Variants in CHRM2 observed in about 807,000 individuals in gnomAD.
CHRM2 encodes muscarinic acetylcholine receptor M2.
A neutral mutation model predicts 25.0 loss-of-function variants in CHRM2; 8 were observed. The ratio of observed to expected loss-of-function variants is 0.32; its 90% CI spans 0.19 to 0.58. The LOEUF (loss-of-function observed/expected upper bound fraction) is 0.58, where lower values mean the gene tolerates loss of function less well. CHRM2 is among the 20% of genes least tolerant of loss of function. The probability of loss-of-function intolerance (pLI) is 0.88; values close to 1 mark genes in which losing one functional copy is unlikely to be tolerated. For synonymous variants in CHRM2, 202 were observed against 205.7 expected (o/e 0.98, Z 0.15); for missense variants, 440 against 567.1 (o/e 0.78, Z 2.28).
At chr7:136,948,485 T>C (rs1369790722) in intron 2 of CHRM2, among the ~76,000 whole-genome samples, 1 of 152,114 alleles carries the variant, frequency 6.6e-6, no homozygotes, top group African/African-American at 2.4e-5. Context: ...AAAATCTTAG[T>C]TTAGGACATT....
intron 2 of CHRM2, chr7:136,938,342 TCTG>T: frequency 1.9e-6 from 3 of 1,557,672 alleles, no homozygotes; most frequent in Non-Finnish European, 2.6e-6. Flanking sequence ...CGAGTCGTCG[TCTG>T]CTGCTGCAGG....
chr7:136,965,561 G>GT (rs1801362175), intron 2 of CHRM2, among the ~76,000 whole-genome samples: 1 of 152,096 alleles, frequency 6.6e-6, no homozygotes, highest in South Asian at 2.1e-4. Flanking sequence ...TACTCTAAAA[G>GT]AGAAAATAAC....
rs1210750904 is a variant in CHRM2, at chr7:137,017,775, C to T, written c.*1509C>T. ...AGGTGGCTGTTGCCATGCCACATCT[C>T]ACCATCTAATTCTAGACCATAATAA... On this transcript the variant is annotated 3_prime_UTR_variant, in exon 4 of 4. Coordinates refer to ENST00000680005, the MANE Select transcript of CHRM2 (RefSeq NM_001006630.2). 6.6e-6 allele frequency: 1 copy of T among 151,940 alleles called. No individual in the cohort carries two copies. The highest frequency in any genetic ancestry group is 1.5e-5 in the Non-Finnish European group (1 of 67,916). The allele number at this position is 151,940 out of a possible 1,614,324, so 9.4% of individuals were successfully genotyped here.
At chr7:136,915,419 C>G (rs1798052900) in intron 2 of CHRM2, among the ~76,000 whole-genome samples, 1 of 151,766 alleles carries the variant, frequency 6.6e-6, no homozygotes. Context: ...ATTGATGTGA[C>G]TAATTTACCT....
At chr7:136,932,077 G>A (rs1799138677) in intron 2 of CHRM2, among the ~76,000 whole-genome samples, 1 of 151,820 alleles carries the variant, frequency 6.6e-6, no homozygotes, top group African/African-American at 2.4e-5. Flanking sequence ...GTATTTGGTG[G>A]GATAATGATA....
In CHRM2 at chr7:136,880,570, C is replaced by CT. The variant is rs1470716032; in HGVS notation, c.-125+11159dup. ...GGTCAGTTATCTGAAATTCAATTAGCTTTTTTTCTGTTACTATATATAATT... is the reference window on the plus strand; with the variant it reads ...GGTCAGTTATCTGAAATTCAATTAGCTTTTTTTTCTGTTACTATATATAATT... On this transcript the variant is annotated intron_variant, in intron 2 of 3. Transcript: ENST00000680005. 2.0e-5 allele frequency among the ~76,000 whole-genome samples: 3 copies of CT among 151,808 alleles called. No homozygotes were observed. In the East Asian group the frequency reaches 5.8e-4, roughly 29 times the overall value.
chr7:137,001,572 A>G (rs1563118948), intron 3 of CHRM2, among the ~76,000 whole-genome samples: 1 of 152,108 alleles, frequency 6.6e-6, no homozygotes. Context: ...ACCAGAGAGA[A>G]GTCTGGTTGG....
chr7:136,959,650 C>T (rs1800944962), intron 2 of CHRM2, among the ~76,000 whole-genome samples: 1 of 152,186 alleles, frequency 6.6e-6, no homozygotes, highest in South Asian at 2.1e-4. Flanking sequence ...CGGTGGCTCA[C>T]ACCTGTAATC....
At chr7:136,933,506 T>A (rs1799232863) in intron 2 of CHRM2, among the ~76,000 whole-genome samples, 1 of 152,216 alleles carries the variant, frequency 6.6e-6, no homozygotes, top group African/African-American at 2.4e-5. Flanking sequence ...TGCAGCCACT[T>A]TGGAAAATAT....
chr7:136,942,088 G>A (rs1799805621), intron 2 of CHRM2, among the ~76,000 whole-genome samples: 2 of 152,164 alleles, frequency 1.3e-5, no homozygotes, highest in Admixed American at 1.3e-4. Flanking sequence ...TGGGGTACAA[G>A]GAGTCCAGCT....
chr7:136,896,550 T>C (rs1438289349), intron 2 of CHRM2, among the ~76,000 whole-genome samples: 2 of 152,058 alleles, frequency 1.3e-5, no homozygotes, highest in Admixed American at 6.6e-5. Flanking sequence ...GATATAGTAA[T>C]TCTACCTTGC....
intron 2 of CHRM2, among the ~76,000 whole-genome samples, chr7:136,923,531 G>C (rs1250605201): frequency 6.6e-6 from 1 of 151,952 alleles, no homozygotes; most frequent in Non-Finnish European, 1.5e-5. Flanking sequence ...GAGTTGAGTA[G>C]CTTCTTAGAA....
At chr7:136,884,491 T>C (rs1796383969) in intron 2 of CHRM2, among the ~76,000 whole-genome samples, 1 of 151,916 alleles carries the variant, frequency 6.6e-6, no homozygotes, top group South Asian at 2.1e-4. Context: ...ATGCCTTTTT[T>C]TTTTTTTGGT....
At chr7:136,973,613 AGGG>A in intron 2 of CHRM2, among the ~76,000 whole-genome samples, 1 of 16,042 alleles carries the variant, frequency 6.2e-5, no homozygotes, top group African/African-American at 1.4e-4. Flanking sequence ...TGATGGTGTT[AGGG>A]ATGGTGGTAG....
chr7:136,981,405 A>G (rs1384419573), intron 2 of CHRM2, among the ~76,000 whole-genome samples: 1 of 152,128 alleles, frequency 6.6e-6, no homozygotes, highest in African/African-American at 2.4e-5. Context: ...CCTGGATTCA[A>G]TGAATTTTTG....
At chr7:136,951,367 A>C (rs2130856456) in intron 2 of CHRM2, among the ~76,000 whole-genome samples, 1 of 152,250 alleles carries the variant, frequency 6.6e-6, no homozygotes, top group Non-Finnish European at 1.5e-5. Flanking sequence ...TTGATGTGAA[A>C]CCTTGTGTAA....
intron 3 of CHRM2, among the ~76,000 whole-genome samples, chr7:137,008,226 G>C (rs1163301955): frequency 2.0e-5 from 3 of 152,042 alleles, no homozygotes; most frequent in Non-Finnish European, 4.4e-5. Context: ...TAATACTTAA[G>C]TATCCTTTAC....
chr7:136,872,410 G>A (rs547535611), intron 2 of CHRM2, among the ~76,000 whole-genome samples: 4 of 152,300 alleles, frequency 2.6e-5, no homozygotes, highest in South Asian at 2.1e-4. Flanking sequence ...ATTTTGGGAG[G>A]CTGAGACTGT....
At chr7:136,913,971 TTAAG>T (rs764691659) in intron 2 of CHRM2, among the ~76,000 whole-genome samples, 6 of 152,100 alleles carry the variant, frequency 3.9e-5, no homozygotes, top group South Asian at 4.1e-4. Context: ...TGGTTATTTA[TTAAG>T]TGTCAGTTTA....
Sources: gnomAD v4.1 joint callset for allele counts (sites outside exome capture counted in the v4.1 genomes callset) on GRCh38, gnomAD v4.1.1 for gene constraint, MANE v1.5 for transcripts, NCBI Gene and HGNC (gene_info 2026-07-23, HGNC 2026-07-21) for gene names.